MDN1: variants seen among roughly 807,000 people sequenced by gnomAD.
The protein encoded by MDN1 is midasin.
A neutral mutation model predicts 669.2 loss-of-function variants in MDN1; 266 were observed. The observed-to-expected ratio is 0.40, with a 90% CI of 0.36 to 0.44. The LOEUF (loss-of-function observed/expected upper bound fraction) is 0.44, where lower values mean the gene tolerates loss of function less well. Among genes scored for constraint, MDN1 ranks in the 20% least tolerant of loss-of-function variants. MDN1 has a pLI of 1.00. For synonymous variants in MDN1, 2,385 were observed against 2,457.1 expected (o/e 0.97, Z 0.87); for missense variants, 5,940 against 6,754.0 (o/e 0.88, Z 4.22).
intron 73 of MDN1, among the ~76,000 whole-genome samples, chr6:89,681,463 C>T (rs527405425): frequency 1.7e-4 from 26 of 151,680 alleles, no homozygotes; most frequent in East Asian, 7.9e-4. Flanking sequence ...CATGAGCCAC[C>T]GCACCTCAGA....
At chr6:89,649,514 T>C (rs1407187206) in intron 97 of MDN1, among the ~76,000 whole-genome samples, 2 of 152,218 alleles carry the variant, frequency 1.3e-5, no homozygotes, top group South Asian at 2.1e-4. Context: ...AATGGTGGTA[T>C]AAGTAATTCT....
At chr6:89,696,337 CT>C (rs1351815907) in intron 60 of MDN1, 22 bp downstream of exon 60, 1 of 1,609,854 alleles carries the variant, frequency 6.2e-7, no homozygotes, top group East Asian at 2.2e-5. Flanking sequence ...ACTTTACAGT[CT>C]GCTTCCAGGG....
rs544257255 is a variant in MDN1, at chr6:89,735,262, A to T, written c.4724-2487T>A. The stretch of plus-strand genomic sequence containing the variant: ...GTACCAATACTTGGTACATTAACCA[A>T]TGTAATACAGAAGTATTGTTTACAA... On this transcript the variant is annotated intron_variant, in intron 33 of 101. Transcript: ENST00000369393. Among the ~76,000 whole-genome samples, 44 of 152,206 alleles carry T rather than the reference A, an allele frequency of 2.9e-4. 3 individuals carry two copies. The South Asian group carries it at 7.1e-3, about 24-fold the overall frequency.
chr6:89,802,274 C>T (rs1201106468), intron 2 of MDN1, among the ~76,000 whole-genome samples: 1 of 152,150 alleles, frequency 6.6e-6, no homozygotes, highest in Non-Finnish European at 1.5e-5. Context: ...TGTTTTCCCC[C>T]AAGTCTTCAT....
rs552168853 is a variant in MDN1 at position 89,701,753 on chromosome 6, TTTTC to T, written c.8307-79_8307-76del. On this transcript the variant is annotated intron_variant, in intron 54 of 101. Coordinates refer to ENST00000369393, the MANE Select transcript of MDN1 (RefSeq NM_014611.3). ...TAGACAGTAAGAGAAGCCATTAATA[TTTTC>T]TTTCTTTCTTTCTTTTAATTGTACA... 115 of 1,541,876 alleles carry T rather than the reference TTTTC, an allele frequency of 7.5e-5. No homozygotes were observed. The South Asian group carries it at 9.1e-4, about 12-fold the overall frequency.
intron 85 of MDN1, 144 bp from the exon 86 acceptor site, chr6:89,663,111 T>C: frequency 1.2e-6 from 1 of 817,380 alleles, no homozygotes; most frequent in African/African-American, 1.7e-5. Flanking sequence ...TACGGGCAGA[T>C]GCCTTTAGAT....
At chr6:89,717,441 T>C (rs1814454017) in intron 43 of MDN1, among the ~76,000 whole-genome samples, 1 of 152,218 alleles carries the variant, frequency 6.6e-6, no homozygotes, top group African/African-American at 2.4e-5. Context: ...TTTTGTCTCT[T>C]TGAATATTCA....
chr6:89,708,605 G>C lies in MDN1; in HGVS notation c.7789C>G (p.Pro2597Ala). The C allele has an allele frequency of 6.2e-7, 1 of 1,613,778 alleles. No homozygotes were observed. Among genetic ancestry groups the C allele is most frequent in the South Asian group, 1.1e-5 (1 of 90,994 alleles). ...TCCAGAGCCTGCATATTCCATCGGGGATCCAGAGGGATCACAAATTCATCT... is the reference window on the plus strand; with the variant it reads ...TCCAGAGCCTGCATATTCCATCGGGCATCCAGAGGGATCACAAATTCATCT... Reference protein sequence around the residue: ...TTDEFVIPLDPRWNMQALDMI... With the variant: ...TTDEFVIPLDARWNMQALDMI... The change falls in exon 51 of 102, where the codon CCC becomes GCC. Residue 2597 changes from proline (P) to alanine (A), a missense_variant. Pro to Ala is a conservative substitution (Grantham distance 27). This residue lies in a region of MDN1 where 2,292 missense variants were observed against 2,638.3 expected (regional missense o/e 0.87). Transcript: ENST00000369393.
At chr6:89,668,367 T>C (rs559968337) in intron 83 of MDN1, among the ~76,000 whole-genome samples, 1 of 152,318 alleles carries the variant, frequency 6.6e-6, no homozygotes, top group African/African-American at 2.4e-5. Flanking sequence ...AGATTTAACA[T>C]ATGACTTGAC....
intron 40 of MDN1, among the ~76,000 whole-genome samples, chr6:89,720,390 ACTCCAT>A: frequency 6.9e-6 from 1 of 145,608 alleles, no homozygotes; most frequent in Admixed American, 7.0e-5. Flanking sequence ...ACAGAGCAAG[ACTCCAT>A]CTCAAAAAAA....
chr6:89,759,244 G>C (rs1019929168), intron 17 of MDN1, among the ~76,000 whole-genome samples: 1 of 152,106 alleles, frequency 6.6e-6, no homozygotes, highest in African/African-American at 2.4e-5. Flanking sequence ...TTGTAGTCAG[G>C]TCTTTAAAGG....
chr6:89,653,959 G>T (rs183732798), intron 93 of MDN1, among the ~76,000 whole-genome samples: 3 of 152,264 alleles, frequency 2.0e-5, no homozygotes, highest in African/African-American at 4.8e-5. Context: ...ACTCCTTAAA[G>T]GATGGTGTCC....
chr6:89,677,441 C>T, intron 76 of MDN1, 129 bp downstream of exon 76: 1 of 1,175,226 alleles, frequency 8.5e-7, no homozygotes, highest in South Asian at 1.5e-5. Flanking sequence ...CTGAGCCAGG[C>T]ACTTTTGTAA....
In MDN1 at chr6:89,787,839, G is replaced by A. The variant is rs766901842; in HGVS notation, c.1334+15C>T. 3.8e-6 allele frequency: 6 copies of A among 1,592,362 alleles called. No homozygotes were observed. The Admixed American group carries it at 1.0e-4, about 27-fold the overall frequency. On this transcript the variant is annotated intron_variant, in intron 8 of 101. Coordinates refer to ENST00000369393, the MANE Select transcript of MDN1 (RefSeq NM_014611.3). Reference sequence around the variant, plus strand: ...GTGGCTCCAGAGTGAAAACAGAAAGGTTACTAGTACATACCTCCTGGTTGC... The same window carrying A: ...GTGGCTCCAGAGTGAAAACAGAAAGATTACTAGTACATACCTCCTGGTTGC...
At position 89,653,061 on chromosome 6, in the gene MDN1, C is replaced by T. The variant is rs766596768; in HGVS notation, c.15756G>A (p.Glu5252=). Residue 5252 remains glutamate, a synonymous_variant, in exon 94 of 102, where the codon GAG becomes GAA. Transcript: ENST00000369393. ...TDKAHKETEN[E]KPERSRESTI... ...TAGACTCTCGGCTTCTTTCTGGTTT[C>T]TCATTTTCTGTCTCCTTATGGGCTT... 1.9e-6 allele frequency: 3 copies of T among 1,614,134 alleles called. No homozygotes were observed. Among genetic ancestry groups the T allele is most frequent in the Admixed American group, 1.7e-5 (1 of 60,016 alleles).
At position 89,756,260 on chromosome 6, in the gene MDN1, T is replaced by C. The variant is rs1262556221; in HGVS notation, c.2816+17A>G. ...TTCAGAGAAAGAGCTTATAAAGACA[T>C]ACAAAAGGGAACCTACTTTATGATT... On this transcript the variant is annotated intron_variant, in intron 20 of 101. Transcript: ENST00000369393. 6 of 1,309,726 alleles carry C rather than the reference T, an allele frequency of 4.6e-6. No individual in the cohort carries two copies. The highest frequency in any genetic ancestry group is 6.4e-6 in the Non-Finnish European group (6 of 938,486). The allele number at this position is 1,309,726 out of a possible 1,614,324, so 81.1% of individuals were successfully genotyped here. A position where few individuals can be genotyped will look rare whatever the true frequency, so the allele number is the denominator to read the frequency against.
In MDN1 at chr6:89,730,765, C is replaced by T. The variant is rs745483606; in HGVS notation, c.5101G>A (p.Asp1701Asn). Residue 1701 changes from aspartate to asparagine, a missense_variant, in exon 35 of 102, where the codon GAT (aspartate) becomes AAT (asparagine). By Grantham distance (23) the Asp-to-Asn change is conservative. Around this residue, in one of 5 missense-constraint regions of MDN1, gnomAD observed 2,292 missense variants for 2,638.3 expected, o/e 0.87. Coordinates refer to ENST00000369393, the MANE Select transcript of MDN1 (RefSeq NM_014611.3). The stretch of plus-strand genomic sequence containing the variant: ...AATGGATGAATTCCCCAAAGGTTAT[C>T]TATTCCAGTGAATTCTTTGGCCTTC... ...RMKAKEFTGI[D>N]NLWGIHPFFI... is the part of the protein sequence containing the mutation. 1 of 1,614,066 alleles carries T rather than the reference C, an allele frequency of 6.2e-7. No homozygotes were observed. Among genetic ancestry groups the T allele is most frequent in the South Asian group, 1.1e-5 (1 of 91,062 alleles).
chr6:89,720,299 C>T (rs1484453381), intron 40 of MDN1, among the ~76,000 whole-genome samples: 1 of 151,536 alleles, frequency 6.6e-6, no homozygotes, highest in Non-Finnish European at 1.5e-5. Flanking sequence ...AATATTGCTA[C>T]TCGGGAGGCT....
At chr6:89,670,170 A>ATATATTTTTTTTT (rs1444537561) in intron 83 of MDN1, among the ~76,000 whole-genome samples, 4 of 23,410 alleles carry the variant, frequency 1.7e-4, no homozygotes, top group African/African-American at 2.6e-4. Flanking sequence ...ATATATATAT[A>ATATATTTTTTTTT]TTTTTTTTTT....
Sources: gnomAD v4.1 joint callset for allele counts (sites outside exome capture counted in the v4.1 genomes callset) on GRCh38, gnomAD v4.1.1 for gene constraint, gnomAD v4.1.1 regional missense constraint, MANE v1.5 for transcripts, NCBI Gene and HGNC (gene_info 2026-07-23, HGNC 2026-07-21) for gene names.